QRICH2: variants seen among roughly 807,000 people sequenced by gnomAD.
QRICH2 encodes the protein glutamine rich 2.
Under a neutral mutation model 168.3 loss-of-function variants are expected in QRICH2, and 119 were observed. That is an observed-to-expected ratio of 0.71 (90% confidence interval 0.61 to 0.82). The LOEUF (loss-of-function observed/expected upper bound fraction) is 0.82, where lower values mean the gene tolerates loss of function less well. Among genes scored for constraint, QRICH2 ranks in the 40% least tolerant of loss-of-function variants. QRICH2 has a pLI of 0.00. For missense variants in QRICH2, 2,241 were observed against 2,491.6 expected (o/e 0.90, Z 2.14); for synonymous variants, 894 against 951.2 (o/e 0.94, Z 1.11).
chr17:76,306,177 A>T (rs1268232823), intron 1 of QRICH2, among the ~76,000 whole-genome samples: 1 of 150,722 alleles, frequency 6.6e-6, no homozygotes, highest in Admixed American at 6.6e-5. Flanking sequence ...TCAAAAAAAA[A>T]AAAAAAAAAA....
At chr17:76,296,789 A>AT (rs1009967796) in intron 3 of QRICH2, among the ~76,000 whole-genome samples, 3 of 151,654 alleles carry the variant, frequency 2.0e-5, no homozygotes, top group South Asian at 2.1e-4. Flanking sequence ...AAAAAAAAAA[A>AT]AAAAAAAAAT....
Position 76,274,121 on chromosome 17 carries a change from G to A in QRICH2, c.5622C>T (p.Leu1874=), listed in dbSNP as rs768982578. Residue 1874 remains leucine (L), a synonymous_variant, in exon 19 of 19, where the codon CTC becomes CTT. Transcript: ENST00000680821. ...ACCGCGGCCCCCGCGTGGGCTCCTC[G>A]AGCCCCTCCCCAGGAGGCATGTCCA... is the stretch of plus-strand genomic sequence containing the variant. ...RHVDMPPGEG[L]EEPTRGPRSS... is the part of the protein sequence containing the mutation. 54 of 1,586,906 alleles carry A rather than the reference G, an allele frequency of 3.4e-5. No individual in the cohort carries two copies. Among genetic ancestry groups the A allele is most frequent in the African/African-American group, 1.5e-4 (11 of 72,676 alleles).
rs202230652 is a variant in QRICH2 at position 76,291,177 on chromosome 17, G to T, written c.3550C>A (p.Arg1184Ser). 24 of 1,614,128 alleles carry T rather than the reference G, an allele frequency of 1.5e-5. No individual in the cohort carries two copies. In the South Asian group the frequency reaches 2.6e-4, roughly 18 times the overall value. ...EVLSERRNSL[R>S]RMSSSFPTAV... The stretch of plus-strand genomic sequence containing the variant: ...GTGGGGAAACTAGAACTCATTCTAC[G>T]CAGTGAATTGCGTCGCTCACTCAGG... The change falls in exon 4 of 19, where the codon CGT becomes AGT. Residue 1184 changes from arginine (R) to serine (S), a missense_variant. Transcript: ENST00000680821.
chr17:76,287,440 T>C (rs2070910943), intron 6 of QRICH2, 134 bp from the exon 7 acceptor site: 1 of 700,050 alleles, frequency 1.4e-6, no homozygotes, highest in Non-Finnish European at 2.5e-6. Flanking sequence ...CAATGGATTT[T>C]GTCTAGGGAG....
chr17:76,297,171 A>C, intron 3 of QRICH2, among the ~76,000 whole-genome samples: 1 of 152,244 alleles, frequency 6.6e-6, no homozygotes. Flanking sequence ...GTTTTTAAGT[A>C]GCTGTGTCCT....
intron 3 of QRICH2, 132 bp downstream of exon 3, chr17:76,304,283 A>T: frequency 6.5e-6 from 4 of 614,390 alleles, no homozygotes; most frequent in Non-Finnish European, 8.7e-6. Context: ...TGGAAAAAGC[A>T]TTTAAAACAC....
intron 3 of QRICH2, among the ~76,000 whole-genome samples, chr17:76,298,303 C>A (rs568112855): frequency 6.7e-6 from 1 of 150,044 alleles, no homozygotes; most frequent in Non-Finnish European, 1.5e-5. Flanking sequence ...CTCAGCCTCC[C>A]GAGTAGCTGG....
chr17:76,304,840 G>A, intron 2 of QRICH2, 42 bp downstream of exon 2: 1 of 1,431,092 alleles, frequency 7.0e-7, no homozygotes, highest in Non-Finnish European at 9.9e-7. Flanking sequence ...GAGACGGCCA[G>A]CCCCCTGGAG....
At chr17:76,287,619 G>A (rs1454211569) in intron 6 of QRICH2, among the ~76,000 whole-genome samples, 181 bp downstream of exon 6, 1 of 152,130 alleles carries the variant, frequency 6.6e-6, no homozygotes, top group Admixed American at 6.6e-5. Context: ...GTTGCTTTGG[G>A]AACCTGGGGA....
At chr17:76,298,339 C>T (rs969569951) in intron 3 of QRICH2, among the ~76,000 whole-genome samples, 2 of 151,328 alleles carry the variant, frequency 1.3e-5, no homozygotes, top group South Asian at 2.1e-4. Context: ...CCACCACGCC[C>T]GGATAATTTT....
At chr17:76,275,196 G>A (rs899106990) in intron 18 of QRICH2, among the ~76,000 whole-genome samples, 1 of 152,130 alleles carries the variant, frequency 6.6e-6, no homozygotes, top group African/African-American at 2.4e-5. Context: ...AGATTCTTGG[G>A]GGGGGCCTGA....
At chr17:76,308,515 A>G, upstream of QRICH2, 1 of 985,108 alleles carries the variant, frequency 1.0e-6, no homozygotes, top group Non-Finnish European at 1.2e-6. Context: ...TTTCCTGGCA[A>G]CCATGCTTTG....
chr17:76,280,940 A>C lies in QRICH2; in HGVS notation c.4277T>G (p.Leu1426Arg). The C allele has an allele frequency of 6.2e-7, 1 of 1,610,786 alleles. No individual in the cohort carries two copies. Among genetic ancestry groups the C allele is most frequent in the Non-Finnish European group, 8.5e-7 (1 of 1,179,962 alleles). The change falls in exon 9 of 19, where the codon CTG (leucine) becomes CGG (arginine). Residue 1426 changes from leucine (L) to arginine (R), a missense_variant. Physicochemically the swap from Leu to Arg is moderately radical, Grantham distance 102 (BLOSUM62 -2). Around this residue, in one of 3 missense-constraint regions of QRICH2, gnomAD observed 2,047 missense variants for 2,303.8 expected, o/e 0.89. Coordinates refer to ENST00000680821, the MANE Select transcript of QRICH2 (RefSeq NM_001388453.1). This position sits in a 1 kb window ranked among gnomAD's most constrained non-coding sequence, Gnocchi z 7.4. ...CAGGATGGCACTCTGCACACGGCCCAGCAGCTCCTCGTCCTGCGGCAGGAG... is the reference window on the plus strand; with the variant it reads ...CAGGATGGCACTCTGCACACGGCCCCGCAGCTCCTCGTCCTGCGGCAGGAG... ...AKLQRQDEEL[L>R]GRVQSAILQV...
Position 76,275,801 on chromosome 17 carries a change from C to A in QRICH2, c.5482+18G>T. 6.2e-7 allele frequency: 1 copy of A among 1,602,514 alleles called. No individual in the cohort carries two copies. Among genetic ancestry groups the A allele is most frequent in the Middle Eastern group, 1.7e-4 (1 of 6,042 alleles). On this transcript the variant is annotated intron_variant, in intron 18 of 18. Coordinates refer to ENST00000680821, the MANE Select transcript of QRICH2 (RefSeq NM_001388453.1). ...AGCGGGGAGGCCTGGCAGGACGCCC[C>A]ACCCAGAGGGAAGCTACCTGAGGTG...
At chr17:76,286,333 T>A (rs1366300955) in intron 7 of QRICH2, among the ~76,000 whole-genome samples, 1 of 152,182 alleles carries the variant, frequency 6.6e-6, no homozygotes, top group East Asian at 1.9e-4. Context: ...GAATGGAGTA[T>A]TGACACATGC....
In QRICH2 at chr17:76,280,192, A is replaced by T. The variant is rs759977315; in HGVS notation, c.4627-38T>A. 1 of 1,609,120 alleles carries T rather than the reference A, an allele frequency of 6.2e-7. No individual in the cohort carries two copies. Among genetic ancestry groups the T allele is most frequent in the South Asian group, 1.1e-5 (1 of 90,616 alleles). The stretch of plus-strand genomic sequence containing the variant: ...AAGAGGGGCCAGGGGACCTCTAAGG[A>T]AGCAGGTAGGGGGCTGACCCAGGAG... On this transcript the variant is annotated intron_variant, in intron 11 of 18. Transcript: ENST00000680821. The surrounding 1 kb of genome is among the most constrained non-coding windows in gnomAD (Gnocchi z 7.4).
intron 1 of QRICH2, 129 bp from the exon 2 acceptor site, chr17:76,305,070 C>G (rs1273813797): frequency 1.4e-6 from 1 of 727,692 alleles, no homozygotes; most frequent in Non-Finnish European, 2.5e-6. Flanking sequence ...CACATTCACA[C>G]ACTGACTCAG....
rs1459391446 is a variant in QRICH2 at position 76,280,425 on chromosome 17, G to C, written c.4488C>G (p.Thr1496=). 3.7e-6 allele frequency: 6 copies of C among 1,613,982 alleles called. No homozygotes were observed. Among genetic ancestry groups the C allele is most frequent in the East Asian group, 2.2e-5 (1 of 44,894 alleles). The change falls in exon 11 of 19, where the codon ACC becomes ACG. Residue 1496 remains threonine (T), a synonymous_variant. Coordinates refer to ENST00000680821, the MANE Select transcript of QRICH2 (RefSeq NM_001388453.1). This position sits in a 1 kb window ranked among gnomAD's most constrained non-coding sequence, Gnocchi z 7.4. ...CATCAAACTGGACACGGCTCACTTT[G>C]GTGGCCAGAGCACTCTTGTCGGCTT... is the stretch of plus-strand genomic sequence containing the variant. ...DVKADKSALA[T]KVSRVQFDAT...
At chr17:76,289,477 G>A (rs975218757) in intron 5 of QRICH2, among the ~76,000 whole-genome samples, 6 of 152,074 alleles carry the variant, frequency 3.9e-5, no homozygotes. Context: ...ATGAGCCAGC[G>A]TGCCCAGCCT....
Sources: gnomAD v4.1 joint callset for allele counts (sites outside exome capture counted in the v4.1 genomes callset) on GRCh38, gnomAD v4.1.1 for gene constraint, gnomAD v4.1.1 regional missense constraint, Gnocchi (gnomAD v3.1) non-coding constraint, MANE v1.5 for transcripts, NCBI Gene and HGNC (gene_info 2026-07-23, HGNC 2026-07-21) for gene names.